The following EPHA6 variants were observed in gnomAD, a reference collection of about 807,000 sequenced individuals.
EPHA6 encodes EPH receptor A6.
Under a neutral mutation model 112.0 loss-of-function variants are expected in EPHA6, and 50 were observed. The observed-to-expected ratio is 0.45, with a 90% CI of 0.36 to 0.56. The LOEUF (loss-of-function observed/expected upper bound fraction) is 0.56. EPHA6 is among the 20% of genes least tolerant of loss of function. The probability of loss-of-function intolerance (pLI) is 0.00; values close to 1 mark genes in which losing one functional copy is unlikely to be tolerated. For synonymous variants in EPHA6, 529 were observed against 490.7 expected (o/e 1.08, Z -1.03); for missense variants, 1,280 against 1,417.4 (o/e 0.90, Z 1.56).
intron 3 of EPHA6, among the ~76,000 whole-genome samples, chr3:97,053,485 T>C (rs2108093118): frequency 6.6e-6 from 1 of 152,166 alleles, no homozygotes; most frequent in African/African-American, 2.4e-5. Context: ...CTAAATTAAC[T>C]AGACTGGAAC....
At chr3:97,305,833 CA>C (rs1323909162) in intron 5 of EPHA6, among the ~76,000 whole-genome samples, 1 of 151,990 alleles carries the variant, frequency 6.6e-6, no homozygotes, top group African/African-American at 2.4e-5. Flanking sequence ...ACCTATGTAA[CA>C]AACCTGCACG....
At chr3:97,411,756 T>C (rs188102562) in intron 6 of EPHA6, among the ~76,000 whole-genome samples, 256 of 152,128 alleles carry the variant, frequency 1.7e-3, no homozygotes, top group African/African-American at 5.9e-3. Flanking sequence ...CCAGGAGCCT[T>C]CAGATATAAA....
intron 1 of EPHA6, among the ~76,000 whole-genome samples, chr3:96,864,560 A>C (rs536018330): frequency 3.3e-5 from 5 of 152,146 alleles, no homozygotes; most frequent in Admixed American, 6.6e-5. Context: ...GATTTCTTAT[A>C]AAGGGCCACA....
At chr3:97,198,034 GCCCC>G (rs372885806) in intron 3 of EPHA6, among the ~76,000 whole-genome samples, 65 of 152,016 alleles carry the variant, frequency 4.3e-4, no homozygotes, top group African/African-American at 1.6e-3. Context: ...AGCACCATGA[GCCCC>G]CTGCCAGGAA....
At chr3:97,733,076 C>T (rs938311658) in intron 15 of EPHA6, among the ~76,000 whole-genome samples, 1 of 151,930 alleles carries the variant, frequency 6.6e-6, no homozygotes, top group Non-Finnish European at 1.5e-5. Flanking sequence ...GGAACCTACC[C>T]GCTCATCACT....
At chr3:97,428,016 T>C (rs1463066571) in intron 6 of EPHA6, among the ~76,000 whole-genome samples, 3 of 152,048 alleles carry the variant, frequency 2.0e-5, no homozygotes, top group Admixed American at 2.0e-4. Context: ...ACACAATTTA[T>C]GTAACAAACC....
At chr3:97,624,750 G>C (rs2093841903) in intron 13 of EPHA6, among the ~76,000 whole-genome samples, 1 of 151,360 alleles carries the variant, frequency 6.6e-6, no homozygotes. Flanking sequence ...GGTCTATTCA[G>C]GTTTTTTATT....
At chr3:97,475,525 A>G in intron 8 of EPHA6, 65 bp downstream of exon 8, 1 of 1,150,480 alleles carries the variant, frequency 8.7e-7, no homozygotes. Flanking sequence ...TACATTGTGT[A>G]TTCAAATGCT....
At chr3:97,388,000 C>G (rs1373071212) in intron 5 of EPHA6, among the ~76,000 whole-genome samples, 1 of 152,068 alleles carries the variant, frequency 6.6e-6, no homozygotes, top group Admixed American at 6.6e-5. Flanking sequence ...GTTAAACAAC[C>G]AGATCTCATG....
chr3:97,295,506 T>C (rs905663251), intron 5 of EPHA6, among the ~76,000 whole-genome samples: 4 of 152,086 alleles, frequency 2.6e-5, no homozygotes, highest in African/African-American at 9.7e-5. Flanking sequence ...ATTGTTTGTT[T>C]GTGTTTTTCT....
chr3:97,118,622 C>T (rs969233692), intron 3 of EPHA6, among the ~76,000 whole-genome samples: 8 of 151,806 alleles, frequency 5.3e-5, no homozygotes, highest in Non-Finnish European at 1.2e-4. Flanking sequence ...TGAGGACCTA[C>T]TAGGATCCAT....
intron 12 of EPHA6, among the ~76,000 whole-genome samples, chr3:97,609,268 T>G (rs890416203): frequency 1.3e-5 from 2 of 151,294 alleles, no homozygotes; most frequent in Non-Finnish European, 1.5e-5. Flanking sequence ...ATTTTTATAT[T>G]TAAGTACAAA....
chr3:97,131,595 A>G (rs2075624195), intron 3 of EPHA6, among the ~76,000 whole-genome samples: 1 of 152,142 alleles, frequency 6.6e-6, no homozygotes, highest in African/African-American at 2.4e-5. Flanking sequence ...CTTCCAAGAA[A>G]GGATAATTAT....
At chr3:97,476,447 G>C (rs16838757) in intron 8 of EPHA6, among the ~76,000 whole-genome samples, 28,813 of 152,010 alleles carry the variant, frequency 0.19, 4,113 homozygotes, top group African/African-American at 0.38. Context: ...ACATTGGTAC[G>C]TCAGAAAGAG....
chr3:97,257,700 T>C (rs1426458715), intron 5 of EPHA6, among the ~76,000 whole-genome samples: 1 of 151,952 alleles, frequency 6.6e-6, no homozygotes, highest in African/African-American at 2.4e-5. Flanking sequence ...ATAATATGGG[T>C]AGAAAAACTG....
At chr3:97,389,197 G>C (rs989434987) in intron 5 of EPHA6, among the ~76,000 whole-genome samples, 1 of 152,130 alleles carries the variant, frequency 6.6e-6, no homozygotes, top group Admixed American at 6.6e-5. Flanking sequence ...AAGAATTAAA[G>C]CAAATGATAT....
At chr3:97,712,806 A>G (rs549001598) in intron 14 of EPHA6, among the ~76,000 whole-genome samples, 14 of 152,330 alleles carry the variant, frequency 9.2e-5, no homozygotes, top group African/African-American at 3.1e-4. Context: ...AACAACAAAA[A>G]ATTAGCATTC....
chr3:97,384,094 A>G (rs1450135124), intron 5 of EPHA6, among the ~76,000 whole-genome samples: 1 of 152,194 alleles, frequency 6.6e-6, no homozygotes, highest in Non-Finnish European at 1.5e-5. Flanking sequence ...TATAAGGTTA[A>G]GTGAAATGGC....
chr3:97,173,701 A>C (rs1194919960), intron 3 of EPHA6, among the ~76,000 whole-genome samples: 1 of 151,786 alleles, frequency 6.6e-6, no homozygotes. Flanking sequence ...GATTTAGTGT[A>C]TAGATTTATA....
Sources: allele counts gnomAD v4.1 joint callset (sites outside exome capture counted in the v4.1 genomes callset), GRCh38; gene constraint gnomAD v4.1.1; transcripts MANE v1.5; gene names NCBI Gene and HGNC (gene_info 2026-07-23, HGNC 2026-07-21).